SMARCAD1: variants seen among roughly 807,000 people sequenced by gnomAD.
SMARCAD1 encodes the protein SNF2 related chromatin remodeling ATPase with DExD box 1.
Under a neutral mutation model 127.1 loss-of-function variants are expected in SMARCAD1, and 25 were observed. That is an observed-to-expected ratio of 0.20 (90% confidence interval 0.14 to 0.27). SMARCAD1 has a LOEUF of 0.27. SMARCAD1 is among the 10% of genes least tolerant of loss of function. SMARCAD1 has a pLI of 1.00. For synonymous variants in SMARCAD1, 400 were observed against 396.9 expected, an observed-to-expected ratio of 1.01 and a Z score of -0.09; for missense variants, 807 against 1,206.0, an observed-to-expected ratio of 0.67 and a Z score of 4.90.
At chr4:94,208,290 T>G in intron 1 of SMARCAD1, 56 bp from the exon 2 acceptor site, 4 of 1,182,496 alleles carry the variant, frequency 3.4e-6, no homozygotes, top group Non-Finnish European at 3.8e-6. Flanking sequence ...TGCTGTGGCA[T>G]TGTATCGTAT....
intron 11 of SMARCAD1, among the ~76,000 whole-genome samples, chr4:94,273,221 T>TG (rs1371295607): frequency 2.0e-4 from 30 of 152,214 alleles, no homozygotes; most frequent in African/African-American, 6.0e-4. Context: ...AGGGTAGAAT[T>TG]GCTGGGATAG....
rs941875371 is a variant in SMARCAD1 at position 94,279,108 on chromosome 4, T to G, written c.2418+58T>G. The G allele has an allele frequency of 2.5e-6, 4 of 1,609,060 alleles. No homozygotes were observed. In the East Asian group the frequency reaches 8.9e-5, roughly 36 times the overall value. On this transcript the variant is annotated intron_variant, in intron 19 of 23. Transcript: ENST00000354268. The stretch of plus-strand genomic sequence containing the variant: ...TTAATAAGAGGTTAAGTTGTTAGGC[T>G]ATAAGATTGGTGAACCCAATGGGCA...
chr4:94,270,039 C>G (rs1171616028), intron 10 of SMARCAD1, among the ~76,000 whole-genome samples: 1 of 151,614 alleles, frequency 6.6e-6, no homozygotes. Context: ...TATATGTTTC[C>G]AAATTAAATA....
At chr4:94,246,466 C>T (rs774518282) in intron 6 of SMARCAD1, among the ~76,000 whole-genome samples, 11 of 152,262 alleles carry the variant, frequency 7.2e-5, no homozygotes, top group Middle Eastern at 3.4e-3. Flanking sequence ...TCAAGCAGTA[C>T]ACACCCTAAT....
At chr4:94,267,905 A>G (rs967193194) in intron 10 of SMARCAD1, among the ~76,000 whole-genome samples, 90 of 152,284 alleles carry the variant, frequency 5.9e-4, no homozygotes, top group African/African-American at 2.1e-3. Context: ...ATATGATTAT[A>G]TAGCATCTAA....
At chr4:94,274,633 A>G (rs981365449) in intron 12 of SMARCAD1, 105 bp from the exon 13 acceptor site, 9 of 1,116,980 alleles carry the variant, frequency 8.1e-6, no homozygotes, top group East Asian at 2.4e-5. Flanking sequence ...TACTTTTTAT[A>G]AAAGACTGAT....
chr4:94,228,145 A>G lies in SMARCAD1; in HGVS notation c.368+1849A>G, dbSNP rs116428570. 6.5e-3 allele frequency among the ~76,000 whole-genome samples: 994 copies of G among 152,314 alleles called. 4 individuals carry two copies. The highest frequency in any genetic ancestry group is 0.054 in the Middle Eastern group (16 of 294). ...AATGAACTTTTCACATGAAGCTGTG[A>G]TAAACATGCCTAATTCTGAAATGTA... On this transcript the variant is annotated intron_variant, in intron 3 of 23. Coordinates refer to ENST00000354268, the MANE Select transcript of SMARCAD1 (RefSeq NM_020159.5).
At chr4:94,256,792 A>T (rs1194374262) in intron 9 of SMARCAD1, among the ~76,000 whole-genome samples, 13 of 151,994 alleles carry the variant, frequency 8.6e-5, no homozygotes, top group Admixed American at 4.6e-4. Flanking sequence ...ATTACTATAT[A>T]TTCAGGCTTT....
Position 94,290,919 on chromosome 4 carries a change from C to A in SMARCAD1, c.*1385C>A, listed in dbSNP as rs779054305. The A allele has an allele frequency of 4.4e-6, 2 of 453,960 alleles. No homozygotes were observed. The allele number at this position is 453,960 out of a possible 1,614,324, so 28.1% of individuals were successfully genotyped here. Reference sequence around the variant, plus strand: ...CTGGATTTGGAAGGCAAATAAAACTCTTACAGTGATTATTTAGATATTAAA... The same window carrying A: ...CTGGATTTGGAAGGCAAATAAAACTATTACAGTGATTATTTAGATATTAAA... On this transcript the variant is annotated 3_prime_UTR_variant, in exon 24 of 24. Coordinates refer to ENST00000354268, the MANE Select transcript of SMARCAD1 (RefSeq NM_020159.5).
At position 94,253,112 on chromosome 4, in the gene SMARCAD1, C is replaced by T. The variant is rs143050434; in HGVS notation, c.1281+105C>T. The T allele has an allele frequency of 1.4e-3, 2,256 of 1,567,044 alleles. 14 individuals carry two copies. In the African/African-American group the frequency reaches 0.026, roughly 18 times the overall value. ...AGCCCAGGTAAGCATAGATGGGTGG[C>T]CTTATCCTGTGTAAAGTCAAACATT... On this transcript the variant is annotated intron_variant, in intron 9 of 23. Transcript: ENST00000354268.
At chr4:94,224,550 T>C (rs1224057986) in intron 2 of SMARCAD1, among the ~76,000 whole-genome samples, 1 of 152,218 alleles carries the variant, frequency 6.6e-6, no homozygotes. Flanking sequence ...TTTCCACTCT[T>C]GGAGTCATGT....
At chr4:94,274,845 T>C in intron 13 of SMARCAD1, 45 bp from the exon 14 acceptor site, 1 of 1,604,646 alleles carries the variant, frequency 6.2e-7, no homozygotes, top group Non-Finnish European at 8.5e-7. Flanking sequence ...AAAAATAAAG[T>C]ACAGCACAAT....
chr4:94,261,597 A>G (rs1750991262), intron 9 of SMARCAD1, among the ~76,000 whole-genome samples: 1 of 152,202 alleles, frequency 6.6e-6, no homozygotes, highest in African/African-American at 2.4e-5. Flanking sequence ...ATTCATTATA[A>G]TTGGTGAAAG....
At position 94,234,197 on chromosome 4, in the gene SMARCAD1, A is replaced by G. The variant is rs187539498; in HGVS notation, c.537+75A>G. Reference sequence around the variant, plus strand: ...CATTCAGTGCTATAGTTAGTAGTGGATAGTCATTTTTCTAAAGATATCTTA... The same window carrying G: ...CATTCAGTGCTATAGTTAGTAGTGGGTAGTCATTTTTCTAAAGATATCTTA... On this transcript the variant is annotated intron_variant, in intron 4 of 23. Transcript: ENST00000354268. 10,751 of 1,323,180 alleles carry G rather than the reference A, an allele frequency of 8.1e-3. 57 individuals are homozygous for G. The highest frequency in any genetic ancestry group is 9.8e-3 in the Non-Finnish European group (9,296 of 948,474). The allele number at this position is 1,323,180 out of a possible 1,614,324, so 82.0% of individuals were successfully genotyped here. A position where few individuals can be genotyped will look rare whatever the true frequency, so the allele number is the denominator to read the frequency against.
chr4:94,276,203 C>T (rs752801075), intron 14 of SMARCAD1, 136 bp from the exon 15 acceptor site: 9 of 807,730 alleles, frequency 1.1e-5, no homozygotes, highest in Middle Eastern at 3.3e-4. Context: ...GAGTATCACC[C>T]GTGTCTAGTG....
At chr4:94,276,799 A>C (rs922179066) in intron 15 of SMARCAD1, among the ~76,000 whole-genome samples, 1 of 152,234 alleles carries the variant, frequency 6.6e-6, no homozygotes, top group African/African-American at 2.4e-5. Flanking sequence ...CGAGGACACA[A>C]GTTACCTACT....
chr4:94,283,030 G>A, intron 21 of SMARCAD1, 91 bp from the exon 22 acceptor site: 1 of 1,085,814 alleles, frequency 9.2e-7, no homozygotes, highest in Non-Finnish European at 1.4e-6. Flanking sequence ...ACATCTTCAG[G>A]TTTCTTTTTC....
chr4:94,248,541 A>C (rs1028487085), intron 6 of SMARCAD1: 15 of 456,064 alleles, frequency 3.3e-5, no homozygotes, highest in Middle Eastern at 3.2e-4. Context: ...GTTTCTCCAG[A>C]TGGGTTTCAC....
chr4:94,208,252 C>T (rs749070489), intron 1 of SMARCAD1, 94 bp from the exon 2 acceptor site: 2 of 866,404 alleles, frequency 2.3e-6, no homozygotes, highest in South Asian at 2.7e-5. Context: ...GGCATGTTTG[C>T]GGGCCCTTTA....
Sources: gnomAD v4.1 joint callset for allele counts (sites outside exome capture counted in the v4.1 genomes callset) on GRCh38, gnomAD v4.1.1 for gene constraint, MANE v1.5 for transcripts, NCBI Gene and HGNC (gene_info 2026-07-23, HGNC 2026-07-21) for gene names.